FGFR4: variants seen among roughly 807,000 people sequenced by gnomAD.
FGFR4 encodes the protein hydroxyaryl-protein kinase.
A neutral mutation model predicts 89.9 loss-of-function variants in FGFR4; 63 were observed. The ratio of observed to expected loss-of-function variants is 0.70; its 90% CI spans 0.57 to 0.86. The LOEUF is 0.86. FGFR4 is among the 40% of genes least tolerant of loss of function. The pLI is 0.00. For synonymous variants in FGFR4, 486 were observed against 479.4 expected (o/e 1.01, Z -0.18); for missense variants, 928 against 1,106.7 (o/e 0.84, Z 2.29).
chr5:177,091,654 C>T (rs372342498), intron 5 of FGFR4, 31 bp from the exon 6 acceptor site: 12 of 1,612,232 alleles, frequency 7.4e-6, no homozygotes, highest in African/African-American at 4.0e-5. Context: ...GGACATGGTC[C>T]GGTGGTCCCG....
chr5:177,087,472 C>G lies in FGFR4; in HGVS notation c.-54+395C>G. ...CCTGAGGCCCCGAAAAGTTCAGTCA[C>G]TTAGTGCCCGGGGGCCTCCAGCGCG... On this transcript the variant is annotated intron_variant, in intron 1 of 17. Transcript: ENST00000292408. The surrounding 1 kb of genome is among the most constrained non-coding windows in gnomAD (Gnocchi z 6.1). 1.6e-6 allele frequency: 1 copy of G among 606,688 alleles called. No homozygotes were observed. Among genetic ancestry groups the G allele is most frequent in the South Asian group, 7.5e-5 (1 of 13,326 alleles). 37.6% of individuals were successfully genotyped at this position (606,688 alleles called of 1,614,324 possible). A position where few individuals can be genotyped will look rare whatever the true frequency, so the allele number is the denominator to read the frequency against.
chr5:177,092,327 C>T lies in FGFR4; in HGVS notation c.734C>T (p.Ser245Phe), dbSNP rs2149733543. ...TGTCTCGCCCGGTCCCCAGAGCGGTCCCCGCACCGGCCCATCCTGCAGGCC... is the reference window on the plus strand; with the variant it reads ...TGTCTCGCCCGGTCCCCAGAGCGGTTCCCGCACCGGCCCATCCTGCAGGCC... ...YNYLLDVLER[S>F]PHRPILQAGL... Residue 245 changes from serine to phenylalanine, a missense_variant, in exon 7 of 18, where the codon TCC (serine) becomes TTC (phenylalanine). By Grantham distance (155) the Ser-to-Phe change is radical. Around this residue, in one of 5 missense-constraint regions of FGFR4, gnomAD observed 741 missense variants for 836.9 expected, o/e 0.89. Transcript: ENST00000292408. 1 of 1,579,144 alleles carries T rather than the reference C, an allele frequency of 6.3e-7. No homozygotes were observed. Among genetic ancestry groups the T allele is most frequent in the South Asian group, 1.1e-5 (1 of 87,796 alleles).
rs373586989 is a variant in FGFR4, at chr5:177,095,313, G to C, written c.1520-17G>C. 50 of 1,605,040 alleles carry C rather than the reference G, an allele frequency of 3.1e-5. No homozygotes were observed. The highest frequency in any genetic ancestry group is 5.0e-5 in the Admixed American group (3 of 59,988). Reference sequence around the variant, plus strand: ...AGTTGGAGGGCAGCCTCTTCACCCCGTCTGCTGCCCTTACAGACAACGCCT... The same window carrying C: ...AGTTGGAGGGCAGCCTCTTCACCCCCTCTGCTGCCCTTACAGACAACGCCT... On this transcript the variant is annotated splice_polypyrimidine_tract_variant and intron_variant, in intron 11 of 17. Coordinates refer to ENST00000292408, the MANE Select transcript of FGFR4 (RefSeq NM_213647.3). This position sits in a 1 kb window ranked among gnomAD's most constrained non-coding sequence, Gnocchi z 5.7.
intron 1 of FGFR4, among the ~76,000 whole-genome samples, chr5:177,089,024 C>T (rs1376775180): frequency 6.6e-6 from 1 of 152,132 alleles, no homozygotes; most frequent in Non-Finnish European, 1.5e-5. Context: ...TCCAGGGTCG[C>T]GGTCCTGCTT....
Position 177,090,523 on chromosome 5 carries a change from T to G in FGFR4, c.225T>G (p.Pro75=), listed in dbSNP as rs1314105176. ...HWYKEGSRLA[P]AGRVRGWRGR... ...ACAAGGAGGGCAGTCGCCTGGCACC[T>G]GCTGGCCGTGTACGGGGCTGGAGGG... Residue 75 remains proline, a synonymous_variant, in exon 3 of 18, where the codon CCT becomes CCG. Coordinates refer to ENST00000292408, the MANE Select transcript of FGFR4 (RefSeq NM_213647.3). The G allele has an allele frequency of 6.4e-7, 1 of 1,560,010 alleles. No homozygotes were observed. Among genetic ancestry groups the G allele is most frequent in the East Asian group, 2.2e-5 (1 of 44,478 alleles).
chr5:177,091,192 A>T, intron 5 of FGFR4, 88 bp downstream of exon 5: 1 of 1,424,994 alleles, frequency 7.0e-7, no homozygotes, highest in Non-Finnish European at 9.3e-7. Flanking sequence ...CTATAAATCA[A>T]TCGAATGAGT....
In FGFR4 at chr5:177,095,724, G is replaced by A; in HGVS notation, c.1821+1G>A. 6.3e-7 allele frequency: 1 copy of A among 1,596,954 alleles called. No homozygotes were observed. The highest frequency in any genetic ancestry group is 2.2e-5 in the East Asian group (1 of 44,526). ...CATGCAGTATCTGGAGTCCCGGAAG[G>A]TACAGGCGCTAGGGCTCTGAGCCCC... On this transcript the variant is annotated splice_donor_variant, in intron 13 of 17. Coordinates refer to ENST00000292408, the MANE Select transcript of FGFR4 (RefSeq NM_213647.3). LOFTEE classifies it high-confidence loss of function. The surrounding 1 kb of genome is among the most constrained non-coding windows in gnomAD (Gnocchi z 5.7).
chr5:177,089,216 T>C (rs1367344382), intron 1 of FGFR4, among the ~76,000 whole-genome samples: 3 of 152,232 alleles, frequency 2.0e-5, no homozygotes, highest in Non-Finnish European at 4.4e-5. Flanking sequence ...AAAGAAATTA[T>C]GTGTGCCGAG....
chr5:177,095,981 C>G lies in FGFR4; in HGVS notation c.1822-76C>G, dbSNP rs182489619. The G allele has an allele frequency of 6.5e-7, 1 of 1,544,702 alleles. No individual in the cohort carries two copies. Among genetic ancestry groups the G allele is most frequent in the Non-Finnish European group, 8.7e-7 (1 of 1,145,714 alleles). On this transcript the variant is annotated intron_variant, in intron 13 of 17. Coordinates refer to ENST00000292408, the MANE Select transcript of FGFR4 (RefSeq NM_213647.3). This position sits in a 1 kb window ranked among gnomAD's most constrained non-coding sequence, Gnocchi z 5.7. ...AAAGTGGGTGGAGGGCCCCTGCCCC[C>G]GGGCCTGCTGGGGGGTGGTGTGTGC...
In FGFR4 at chr5:177,093,263, C is replaced by T; in HGVS notation, c.1183C>T (p.Leu395Phe). Residue 395 changes from leucine (L) to phenylalanine (F), a missense_variant, in exon 9 of 18, where the codon CTC becomes TTC. By Grantham distance (22) the Leu-to-Phe change is conservative. Around this residue, in one of 5 missense-constraint regions of FGFR4, gnomAD observed 741 missense variants for 836.9 expected, o/e 0.89. Coordinates refer to ENST00000292408, the MANE Select transcript of FGFR4 (RefSeq NM_213647.3). The surrounding 1 kb of genome is among the most constrained non-coding windows in gnomAD (Gnocchi z 5.8). ...GGCCGGGCTGTATCGAGGGCAGGCG[C>T]TCCACGGCCGGCACCCCCGCCCGCC... ...LLAGLYRGQA[L>F]HGRHPRPPAT... 6.2e-7 allele frequency: 1 copy of T among 1,612,944 alleles called. No homozygotes were observed. The highest frequency in any genetic ancestry group is 8.5e-7 in the Non-Finnish European group (1 of 1,179,490).
rs1240922615 is a variant in FGFR4, at chr5:177,093,483, C to T, written c.1329C>T (p.Pro443=). The T allele has an allele frequency of 5.0e-6, 8 of 1,613,840 alleles. No individual in the cohort carries two copies. The highest frequency in any genetic ancestry group is 1.6e-4 in the Middle Eastern group (1 of 6,084). Residue 443 remains proline, a synonymous_variant, in exon 10 of 18, where the codon CCC becomes CCT. Coordinates refer to ENST00000292408, the MANE Select transcript of FGFR4 (RefSeq NM_213647.3). This position sits in a 1 kb window ranked among gnomAD's most constrained non-coding sequence, Gnocchi z 5.8. ...VRGVRLSSSG[P]ALLAGLVSLD... ...GCGTGCGTCTCTCCTCCAGCGGCCC[C>T]GCCTTGCTCGCCGGCCTCGTGAGTC...
intron 3 of FGFR4, 39 bp from the exon 4 acceptor site, chr5:177,090,706 C>G (rs915910799): frequency 6.4e-7 from 1 of 1,561,982 alleles, no homozygotes; most frequent in African/African-American, 1.4e-5. Context: ...AGACCTGCCC[C>G]TCTTGGACCT....
rs1784411925 is a variant in FGFR4 at position 177,092,750 on chromosome 5, C to T, written c.1023C>T (p.Leu341=). 1 of 1,614,268 alleles carries T rather than the reference C, an allele frequency of 6.2e-7. No individual in the cohort carries two copies. Among genetic ancestry groups the T allele is most frequent in the African/African-American group, 1.3e-5 (1 of 75,086 alleles). The change falls in exon 8 of 18, where the codon CTC becomes CTT. Residue 341 remains leucine, a synonymous_variant. Transcript: ENST00000292408. ...GCCTCGCAGGCAATTCCATCGGCCT[C>T]TCCTACCAGTCTGCCTGGCTCACGG... is the stretch of plus-strand genomic sequence containing the variant. ...YTCLAGNSIG[L]SYQSAWLTVL... is the part of the protein sequence containing the mutation.
chr5:177,094,725 G>C (rs1466166685), intron 11 of FGFR4: 2 of 158,996 alleles, frequency 1.3e-5, no homozygotes, highest in Non-Finnish European at 2.8e-5. Flanking sequence ...TACACAGCTG[G>C]GGCCACCTGG....
At chr5:177,096,211 T>C (rs758789355) in intron 14 of FGFR4, 32 bp downstream of exon 14, 2 of 1,612,218 alleles carry the variant, frequency 1.2e-6, no homozygotes, top group Non-Finnish European at 1.7e-6. Flanking sequence ...TGGATGGGGG[T>C]GGAGGGGCAC....
intron 5 of FGFR4, 35 bp downstream of exon 5, chr5:177,091,139 C>G (rs762547569): frequency 6.6e-7 from 1 of 1,508,316 alleles, no homozygotes; most frequent in Non-Finnish European, 8.9e-7. Context: ...TCTGCTCCCC[C>G]ATTTTCATTC....
At position 177,087,326 on chromosome 5, in the gene FGFR4, G is replaced by GT. The variant is rs1442487379; in HGVS notation, c.-54+250dup. Reference sequence around the variant, plus strand: ...ACCGAGGCGGGGGCAGGCTGGCCCTGTGCAGCTACCCTCGGGACCCATTGA... The same window carrying GT: ...ACCGAGGCGGGGGCAGGCTGGCCCTGTTGCAGCTACCCTCGGGACCCATTGA... On this transcript the variant is annotated intron_variant, in intron 1 of 17. Transcript: ENST00000292408. This position sits in a 1 kb window ranked among gnomAD's most constrained non-coding sequence, Gnocchi z 6.1. 6.6e-6 allele frequency: 1 copy of GT among 152,504 alleles called. No homozygotes were observed. Among genetic ancestry groups the GT allele is most frequent in the Non-Finnish European group, 1.5e-5 (1 of 68,296 alleles). 9.4% of individuals were successfully genotyped at this position (152,504 alleles called of 1,614,324 possible).
chr5:177,089,969 T>C (rs1784292085), intron 2 of FGFR4: 1 of 356,722 alleles, frequency 2.8e-6, no homozygotes, highest in Middle Eastern at 4.0e-4. Context: ...TGTGTGTGCG[T>C]GTGTGTGTGT....
Position 177,091,779 on chromosome 5 carries a change from T to A in FGFR4, c.698T>A (p.Ile233Asn). ...CTGGTAGAGAACGCTGTGGGCAGCATCCGCTATAACTACCTGCTAGATGTG... is the reference window on the plus strand; with the variant it reads ...CTGGTAGAGAACGCTGTGGGCAGCAACCGCTATAACTACCTGCTAGATGTG... ...TCLVENAVGS[I>N]RYNYLLDVLE... The change falls in exon 6 of 18, where the codon ATC becomes AAC. Residue 233 changes from isoleucine to asparagine, a missense_variant. By Grantham distance (149) the Ile-to-Asn change is moderately radical. Around this residue, in one of 5 missense-constraint regions of FGFR4, gnomAD observed 741 missense variants for 836.9 expected, o/e 0.89. Coordinates refer to ENST00000292408, the MANE Select transcript of FGFR4 (RefSeq NM_213647.3). 6.2e-7 allele frequency: 1 copy of A among 1,614,168 alleles called. No individual in the cohort carries two copies. Among genetic ancestry groups the A allele is most frequent in the South Asian group, 1.1e-5 (1 of 91,080 alleles).
Sources: allele counts gnomAD v4.1 joint callset (sites outside exome capture counted in the v4.1 genomes callset), GRCh38; gene constraint gnomAD v4.1.1; regional missense constraint gnomAD v4.1.1; non-coding constraint Gnocchi (gnomAD v3.1); transcripts MANE v1.5; gene names NCBI Gene and HGNC (gene_info 2026-07-23, HGNC 2026-07-21).